Variants in DISP2 observed in about 807,000 individuals in gnomAD.
The protein encoded by DISP2 is dispatched RND transporter family member 2.
In DISP2, 59 loss-of-function variants were observed where a neutral mutation model predicts 95.5. The ratio of observed to expected loss-of-function variants is 0.62; its 90% CI spans 0.50 to 0.77. The LOEUF (loss-of-function observed/expected upper bound fraction) is 0.77. Ranked by LOEUF, DISP2 falls within the 30% of genes least tolerant of loss-of-function variation. The pLI is 0.00. For missense variants in DISP2, 1,752 were observed against 1,854.6 expected, an observed-to-expected ratio of 0.94 and a Z score of 1.02; for synonymous variants, 827 against 815.0, an observed-to-expected ratio of 1.01 and a Z score of -0.25.
rs562214256 is a variant in DISP2, at chr15:40,371,242, C to G, written c.*924C>G. ...TCCACCACTACAACCTCCAGTTTCC[C>G]TTTGGCTACCTGCCTTCTTTCACCG... On this transcript the variant is annotated 3_prime_UTR_variant, in exon 8 of 8. Coordinates refer to ENST00000267889, the MANE Select transcript of DISP2 (RefSeq NM_033510.3). 6.6e-6 allele frequency: 1 copy of G among 152,312 alleles called. No homozygotes were observed. The highest frequency in any genetic ancestry group is 1.9e-4 in the East Asian group (1 of 5,202). The allele number at this position is 152,312 out of a possible 1,614,324, so 9.4% of individuals were successfully genotyped here. A position where few individuals can be genotyped will look rare whatever the true frequency, so the allele number is the denominator to read the frequency against.
chr15:40,358,543 G>T, intron 1 of DISP2, 103 bp downstream of exon 1: 2 of 883,462 alleles, frequency 2.3e-6, no homozygotes, highest in Non-Finnish European at 3.0e-6. Flanking sequence ...TCATTCCCCA[G>T]ACCCTCCCGG....
At chr15:40,362,474 C>T (rs777850803) in intron 1 of DISP2, among the ~76,000 whole-genome samples, 6 of 152,252 alleles carry the variant, frequency 3.9e-5, no homozygotes, top group South Asian at 4.1e-4. Flanking sequence ...ATTTCCAGGA[C>T]GCCTTCTCTG....
intron 1 of DISP2, among the ~76,000 whole-genome samples, chr15:40,360,080 T>C (rs1157735681): frequency 2.0e-5 from 3 of 152,184 alleles, no homozygotes; most frequent in Admixed American, 1.3e-4. Flanking sequence ...GGTCTCTGTG[T>C]CTAGGAGCCT....
Position 40,370,271 on chromosome 15 carries a change from G to A in DISP2, c.4159G>A (p.Val1387Ile), listed in dbSNP as rs961339699. 1.4e-5 allele frequency: 22 copies of A among 1,561,696 alleles called. No individual in the cohort carries two copies. The highest frequency in any genetic ancestry group is 1.8e-5 in the Non-Finnish European group (21 of 1,154,004). ...CAATAGCCAGCCAGACCTGCCAGAT[G>A]TTTGGCTGCGCAGGCCCAGCACTCA... The part of the protein sequence containing the change: ...LPNSQPDLPD[V>I]WLRRPSTHTS... The change falls in exon 8 of 8, where the codon GTT becomes ATT. Residue 1387 changes from valine (V) to isoleucine (I), a missense_variant. Physicochemically the swap from Val to Ile is conservative, Grantham distance 29. Coordinates refer to ENST00000267889, the MANE Select transcript of DISP2 (RefSeq NM_033510.3).
At position 40,377,441 on chromosome 15, in the gene DISP2, T is replaced by C. The variant is rs1436289384; in HGVS notation, c.*7123T>C. On this transcript the variant is annotated 3_prime_UTR_variant, in exon 8 of 8. Transcript: ENST00000267889. The stretch of plus-strand genomic sequence containing the variant: ...CCAACCAAACAGTAAATACATGAAA[T>C]AATGAGTTTCAAGACACTGGACATG... 1 of 151,412 alleles carries C rather than the reference T, an allele frequency of 6.6e-6. No homozygotes were observed. Among genetic ancestry groups the C allele is most frequent in the Non-Finnish European group, 1.5e-5 (1 of 67,938 alleles). The allele number at this position is 151,412 out of a possible 1,614,324, so 9.4% of individuals were successfully genotyped here.
chr15:40,369,742 C>G lies in DISP2; in HGVS notation c.3630C>G (p.Ala1210=). The part of the protein sequence containing the change: ...DGPCCSRPPP[A]PASPRELLLD... ...CGTGCTGTTCCCGGCCCCCACCAGC[C>G]CCTGCCTCCCCAAGGGAGCTGCTGC... Residue 1210 remains alanine (A), a synonymous_variant, in exon 8 of 8, where the codon GCC becomes GCG. Transcript: ENST00000267889. 1 of 1,609,342 alleles carries G rather than the reference C, an allele frequency of 6.2e-7. No homozygotes were observed. The highest frequency in any genetic ancestry group is 8.5e-7 in the Non-Finnish European group (1 of 1,179,226).
rs369814077 is a variant in DISP2, at chr15:40,368,254, G to T, written c.2142G>T (p.Ala714=). The T allele has an allele frequency of 1.2e-6, 2 of 1,609,766 alleles. No homozygotes were observed. The highest frequency in any genetic ancestry group is 2.7e-5 in the African/African-American group (2 of 74,856). Residue 714 remains alanine (A), a synonymous_variant, in exon 8 of 8, where the codon GCG becomes GCT. Coordinates refer to ENST00000267889, the MANE Select transcript of DISP2 (RefSeq NM_033510.3). Reference sequence around the variant, plus strand: ...GGATCTGCTGGTTCGCAGCACTGGCGGCAGGGGGCGCCTACATCGCCGGAG... The same window carrying T: ...GGATCTGCTGGTTCGCAGCACTGGCTGCAGGGGGCGCCTACATCGCCGGAG... The part of the protein sequence containing the change: ...YIWICWFAAL[A]AGGAYIAGVS...
rs189628729 is a variant in DISP2 at position 40,371,857 on chromosome 15, G to A, written c.*1539G>A. 1.6e-4 allele frequency: 24 copies of A among 152,324 alleles called. No individual in the cohort carries two copies. The highest frequency in any genetic ancestry group is 5.8e-4 in the African/African-American group (24 of 41,570). The allele number at this position is 152,324 out of a possible 1,614,324, so 9.4% of individuals were successfully genotyped here. Reference sequence around the variant, plus strand: ...AGCTCACCTTCTAGCTGGGGAGACAGCTTATGCACACATGCAGGCATCGGA... The same window carrying A: ...AGCTCACCTTCTAGCTGGGGAGACAACTTATGCACACATGCAGGCATCGGA... On this transcript the variant is annotated 3_prime_UTR_variant, in exon 8 of 8. Coordinates refer to ENST00000267889, the MANE Select transcript of DISP2 (RefSeq NM_033510.3).
In DISP2 at chr15:40,372,826, G is replaced by C. The variant is rs1398436115; in HGVS notation, c.*2508G>C. The C allele has an allele frequency of 6.6e-6, 1 of 152,218 alleles. No individual in the cohort carries two copies. Among genetic ancestry groups the C allele is most frequent in the Non-Finnish European group, 1.5e-5 (1 of 68,054 alleles). 9.4% of individuals were successfully genotyped at this position (152,218 alleles called of 1,614,324 possible). A position where few individuals can be genotyped will look rare whatever the true frequency, so the allele number is the denominator to read the frequency against. ...ACCACTGAAATGTTAGAATGCAGAG[G>C]GGTGGATGGGTGGGCATGAGGGATC... is the stretch of plus-strand genomic sequence containing the variant. On this transcript the variant is annotated 3_prime_UTR_variant, in exon 8 of 8. Transcript: ENST00000267889.
Position 40,365,619 on chromosome 15 carries a change from A to G in DISP2, c.848-9A>G, listed in dbSNP as rs771682256. On this transcript the variant is annotated splice_polypyrimidine_tract_variant and intron_variant, in intron 6 of 7. Coordinates refer to ENST00000267889, the MANE Select transcript of DISP2 (RefSeq NM_033510.3). ...GGACTGAGCTCCAGGTTGCGGGGGT[A>G]TGTTGCAGAGAAGAGCTATGCAAAG... The G allele has an allele frequency of 3.1e-6, 5 of 1,613,956 alleles. No individual in the cohort carries two copies. The highest frequency in any genetic ancestry group is 2.2e-5 in the East Asian group (1 of 44,888).
At position 40,369,371 on chromosome 15, in the gene DISP2, A is replaced by C. The variant is rs889029180; in HGVS notation, c.3259A>C (p.Lys1087Gln). 3.1e-6 allele frequency: 5 copies of C among 1,613,384 alleles called. No individual in the cohort carries two copies. Among genetic ancestry groups the C allele is most frequent in the Non-Finnish European group, 3.4e-6 (4 of 1,179,956 alleles). ...GCCTGCCACAGTGCTGCTCTATCGC[A>C]AGCTGGGCATCATCCTCATGATGGT... ...MLPATVLLYR[K>Q]LGIILMMVKC... Residue 1087 changes from lysine to glutamine, a missense_variant, in exon 8 of 8, where the codon AAG (lysine) becomes CAG (glutamine). By Grantham distance (53) the Lys-to-Gln change is moderately conservative. Coordinates refer to ENST00000267889, the MANE Select transcript of DISP2 (RefSeq NM_033510.3).
Position 40,369,504 on chromosome 15 carries a change from C to T in DISP2, c.3392C>T (p.Pro1131Leu). The change falls in exon 8 of 8, where the codon CCA (proline) becomes CTA (leucine). Residue 1131 changes from proline (P) to leucine (L), a missense_variant. Pro to Leu is a moderately conservative substitution (Grantham distance 98). Around this residue, in one of 5 missense-constraint regions of DISP2, gnomAD observed 317 missense variants for 394.9 expected, o/e 0.80. Coordinates refer to ENST00000267889, the MANE Select transcript of DISP2 (RefSeq NM_033510.3). ...ATCCTCTGGCCCTGTGCCCACCTGC[C>T]ATGGGATGCTGGTACTGGGGACCCT... ...GQILWPCAHL[P>L]WDAGTGDPGG... The T allele has an allele frequency of 6.2e-7, 1 of 1,613,220 alleles. No homozygotes were observed.
In DISP2 at chr15:40,367,100, G is replaced by A. The variant is rs535155561; in HGVS notation, c.988G>A (p.Ala330Thr). The change falls in exon 8 of 8, where the codon GCA becomes ACA. Residue 330 changes from alanine to threonine, a missense_variant. Ala to Thr is a moderately conservative substitution (Grantham distance 58). Transcript: ENST00000267889. ...TSFGALCQRT[A>T]ANQCCPSWSL... ...CTTCGGGGCTCTGTGCCAGCGGACA[G>A]CAGCCAACCAGTGCTGCCCCAGCTG... The A allele has an allele frequency of 3.5e-5, 57 of 1,613,152 alleles. No individual in the cohort carries two copies. In the South Asian group the frequency reaches 5.4e-4, roughly 15 times the overall value.
In DISP2 at chr15:40,375,117, C is replaced by T. The variant is rs921094668; in HGVS notation, c.*4799C>T. The T allele has an allele frequency of 3.3e-5, 5 of 152,162 alleles. No homozygotes were observed. The highest frequency in any genetic ancestry group is 2.1e-4 in the South Asian group (1 of 4,830). The allele number at this position is 152,162 out of a possible 1,614,324, so 9.4% of individuals were successfully genotyped here. On this transcript the variant is annotated 3_prime_UTR_variant, in exon 8 of 8. Coordinates refer to ENST00000267889, the MANE Select transcript of DISP2 (RefSeq NM_033510.3). ...GGTATTTATGCTTAGGAGAAGAAATCGTAGTTCAATTCACCAGGAATATGA... is the reference window on the plus strand; with the variant it reads ...GGTATTTATGCTTAGGAGAAGAAATTGTAGTTCAATTCACCAGGAATATGA...
chr15:40,364,173 C>A, intron 2 of DISP2, 53 bp from the exon 3 acceptor site: 1 of 1,612,044 alleles, frequency 6.2e-7, no homozygotes, highest in South Asian at 1.1e-5. Context: ...CCCCAACACA[C>A]GCCCTCTGCA....
At chr15:40,360,222 C>T (rs1220391716) in intron 1 of DISP2, among the ~76,000 whole-genome samples, 2 of 152,202 alleles carry the variant, frequency 1.3e-5, no homozygotes, top group Non-Finnish European at 2.9e-5. Context: ...CTGGAAGTTA[C>T]TCATCCCAGT....
In DISP2 at chr15:40,358,253, C is replaced by CACCGCCGCCGCCACCGCCGCCGCT; in HGVS notation, c.-57_-56insACCGCCGCCGCTACCGCCGCCGCC. ...AGCACCCCGCCGCCGCTGCCGCCGC[C>CACCGCCGCCGCCACCGCCGCCGCT]ACCGCCGCCGCCGCCGCCGCCGCCG... On this transcript the variant is annotated 5_prime_UTR_variant, in exon 1 of 8. Coordinates refer to ENST00000267889, the MANE Select transcript of DISP2 (RefSeq NM_033510.3). 1 of 1,115,044 alleles carries CACCGCCGCCGCCACCGCCGCCGCT rather than the reference C, an allele frequency of 9.0e-7. No individual in the cohort carries two copies. The highest frequency in any genetic ancestry group is 1.1e-6 in the Non-Finnish European group (1 of 909,188). The allele number at this position is 1,115,044 out of a possible 1,614,324, so 69.1% of individuals were successfully genotyped here.
chr15:40,365,810 G>A, intron 7 of DISP2, 85 bp downstream of exon 7: 1 of 1,361,370 alleles, frequency 7.3e-7, no homozygotes, highest in Non-Finnish European at 1.0e-6. Context: ...GCTGAGCCAG[G>A]ACTGCCAGGG....
In DISP2 at chr15:40,370,761, T is replaced by G; in HGVS notation, c.*443T>G. ...GGAGCCCGCAGCAATCTCCACAGCC[T>G]CCTGGGTCTCACCCCTTTCATGGGC... On this transcript the variant is annotated 3_prime_UTR_variant, in exon 8 of 8. Transcript: ENST00000267889. 1 of 425,420 alleles carries G rather than the reference T, an allele frequency of 2.4e-6. No homozygotes were observed. 26.4% of individuals were successfully genotyped at this position (425,420 alleles called of 1,614,324 possible).
Sources: gnomAD v4.1 joint callset for allele counts (sites outside exome capture counted in the v4.1 genomes callset) on GRCh38, gnomAD v4.1.1 for gene constraint, gnomAD v4.1.1 regional missense constraint, MANE v1.5 for transcripts, NCBI Gene and HGNC (gene_info 2026-07-23, HGNC 2026-07-21) for gene names.